The following TTPA variants were observed in gnomAD, a reference collection of about 807,000 sequenced individuals.
The protein encoded by TTPA is alpha tocopherol transfer protein, also known as alpha-tocopherol transfer protein.
TTPA carries 23 observed loss-of-function variants against 25.9 expected under a neutral mutation model. That is an observed-to-expected ratio of 0.89 (90% confidence interval 0.64 to 1.26). The LOEUF (loss-of-function observed/expected upper bound fraction) is 1.26. Among genes scored for constraint, TTPA ranks in the 50% most tolerant of loss-of-function variants. The pLI is 0.00. For missense variants in TTPA, 337 were observed against 353.1 expected, an observed-to-expected ratio of 0.95 and a Z score of 0.37; for synonymous variants, 148 against 137.3, an observed-to-expected ratio of 1.08 and a Z score of -0.54.
At chr8:63,079,163 A>C (rs898953466) in intron 1 of TTPA, among the ~76,000 whole-genome samples, 1 of 152,340 alleles carries the variant, frequency 6.6e-6, no homozygotes, top group African/African-American at 2.4e-5. Flanking sequence ...GGCCTGCCTT[A>C]CAAGAGCTCC....
chr8:63,077,989 C>T (rs975866888), intron 1 of TTPA, among the ~76,000 whole-genome samples: 33 of 152,290 alleles, frequency 2.2e-4, no homozygotes, highest in African/African-American at 7.7e-4. Flanking sequence ...CAATATTTGC[C>T]GTTCTGCAAT....
At chr8:63,061,553 A>T in intron 4 of TTPA, 128 bp from the exon 5 acceptor site, 1 of 768,854 alleles carries the variant, frequency 1.3e-6, no homozygotes, top group Non-Finnish European at 2.1e-6. Flanking sequence ...CACATCCTTT[A>T]TTCCTCTGGT....
At chr8:63,074,395 CTCTG>C (rs1333304054) in intron 1 of TTPA, among the ~76,000 whole-genome samples, 6 of 152,216 alleles carry the variant, frequency 3.9e-5, no homozygotes, top group African/African-American at 9.6e-5. Context: ...CTCTTTCTCT[CTCTG>C]TCTGTCTCCC....
At chr8:63,065,814 T>C in intron 3 of TTPA, 90 bp downstream of exon 3, 1 of 1,355,862 alleles carries the variant, frequency 7.4e-7, no homozygotes, top group Non-Finnish European at 1.0e-6. Flanking sequence ...TTCTAACAAA[T>C]GTACTTTTGC....
At position 63,077,771 on chromosome 8, in the gene TTPA, T is replaced by C. The variant is rs556645404; in HGVS notation, c.205-4683A>G. Reference sequence around the variant, plus strand: ...AAGGCAGCAGACAGCTTCTGCAGACTTAAACGTCCCTGTCTGACAGTTCTG... The same window carrying C: ...AAGGCAGCAGACAGCTTCTGCAGACCTAAACGTCCCTGTCTGACAGTTCTG... On this transcript the variant is annotated intron_variant, in intron 1 of 4. Coordinates refer to ENST00000260116, the MANE Select transcript of TTPA (RefSeq NM_000370.3). Among the ~76,000 whole-genome samples, 4 of 152,328 alleles carry C rather than the reference T, an allele frequency of 2.6e-5. No homozygotes were observed. The South Asian group carries it at 8.3e-4, about 32-fold the overall frequency.
chr8:63,067,060 CA>C (rs1805403384), intron 2 of TTPA, among the ~76,000 whole-genome samples: 1 of 151,098 alleles, frequency 6.6e-6, no homozygotes, highest in Admixed American at 6.6e-5. Context: ...TAAAAAAATT[CA>C]AAGAATTTTT....
At position 63,060,257 on chromosome 8, in the gene TTPA, A is replaced by G. The variant is rs1237087501; in HGVS notation, c.*995T>C. ...AGAATGACCATAAGCAAAAGTTAAAATTACATTCTTGATTTGTTTAAAAAT... is the reference window on the plus strand; with the variant it reads ...AGAATGACCATAAGCAAAAGTTAAAGTTACATTCTTGATTTGTTTAAAAAT... On this transcript the variant is annotated 3_prime_UTR_variant, in exon 5 of 5. Transcript: ENST00000260116. 1 of 152,230 alleles carries G rather than the reference A, an allele frequency of 6.6e-6. No individual in the cohort carries two copies. The highest frequency in any genetic ancestry group is 1.5e-5 in the Non-Finnish European group (1 of 68,048). The allele number at this position is 152,230 out of a possible 1,614,324, so 9.4% of individuals were successfully genotyped here.
chr8:63,082,295 TA>T (rs1292845935), intron 1 of TTPA, among the ~76,000 whole-genome samples: 1 of 152,050 alleles, frequency 6.6e-6, no homozygotes, highest in Non-Finnish European at 1.5e-5. Flanking sequence ...AAAAGAGATA[TA>T]TAGACCAATG....
chr8:63,073,818 A>G (rs1805518747), intron 1 of TTPA, among the ~76,000 whole-genome samples: 1 of 152,178 alleles, frequency 6.6e-6, no homozygotes, highest in Non-Finnish European at 1.5e-5. Flanking sequence ...CAATCAAATG[A>G]GTTAGAAGAG....
downstream of TTPA, among the ~76,000 whole-genome samples, chr8:63,058,995 T>C (rs538788030): frequency 9.6e-4 from 145 of 150,606 alleles, no homozygotes; most frequent in Middle Eastern, 3.4e-3. Context: ...CTTTAAAGTG[T>C]TTTTTAGAAA....
chr8:63,085,304 T>C (rs187850618), intron 1 of TTPA, among the ~76,000 whole-genome samples: 1 of 152,332 alleles, frequency 6.6e-6, no homozygotes, highest in Admixed American at 6.5e-5. Context: ...GTTGCTTTAC[T>C]GTCTTGACAC....
rs1805272418 is a variant in TTPA at position 63,059,801 on chromosome 8, A to T, written c.*1451T>A. ...TTATTTATTTTTATTTTTATTTTTT[A>T]ATTTTTTTTGAGAACACATGGACAC... On this transcript the variant is annotated 3_prime_UTR_variant, in exon 5 of 5. Coordinates refer to ENST00000260116, the MANE Select transcript of TTPA (RefSeq NM_000370.3). 1 of 151,898 alleles carries T rather than the reference A, an allele frequency of 6.6e-6. No individual in the cohort carries two copies. The highest frequency in any genetic ancestry group is 2.4e-5 in the African/African-American group (1 of 41,378). 9.4% of individuals were successfully genotyped at this position (151,898 alleles called of 1,614,324 possible). A position where few individuals can be genotyped will look rare whatever the true frequency, so the allele number is the denominator to read the frequency against.
chr8:63,076,564 G>A (rs1172458789), intron 1 of TTPA, among the ~76,000 whole-genome samples: 3 of 152,016 alleles, frequency 2.0e-5, no homozygotes, highest in African/African-American at 7.3e-5. Flanking sequence ...ATTCCTCAAG[G>A]GCATGGTACA....
rs181109321 is a variant in TTPA at position 63,065,904 on chromosome 8, C to T, written c.552G>A (p.Thr184=). The T allele has an allele frequency of 1.4e-5, 22 of 1,613,674 alleles. No homozygotes were observed. Among genetic ancestry groups the T allele is most frequent in the East Asian group, 4.5e-5 (2 of 44,846 alleles). The change falls in exon 3 of 5, where the codon ACG becomes ACA. Residue 184 remains threonine, a splice_region_variant and synonymous_variant. Coordinates refer to ENST00000260116, the MANE Select transcript of TTPA (RefSeq NM_000370.3). Reference sequence around the variant, plus strand: ...CCTGACAGTTAAAATATACATTTACCGTAAGTACAGCAGCAATCTTCTTGG... The same window carrying T: ...CCTGACAGTTAAAATATACATTTACTGTAAGTACAGCAGCAATCTTCTTGG... ...SVAKKIAAVL[T]DSFPLKVRGI...
intron 1 of TTPA, among the ~76,000 whole-genome samples, chr8:63,076,654 A>G (rs1288141181): frequency 6.6e-6 from 1 of 152,160 alleles, no homozygotes; most frequent in East Asian, 1.9e-4. Flanking sequence ...TTATTTTTCT[A>G]TTTAAACATT....
rs779038537 is a variant in TTPA at position 63,065,930 on chromosome 8, C to A, written c.526G>T (p.Ala176Ser). The A allele has an allele frequency of 2.5e-6, 4 of 1,614,060 alleles. No individual in the cohort carries two copies. The South Asian group carries it at 4.4e-5, about 18-fold the overall frequency. The change falls in exon 3 of 5, where the codon GCC becomes TCC. Residue 176 changes from alanine to serine, a missense_variant. Physicochemically the swap from Ala to Ser is moderately conservative, Grantham distance 99 (BLOSUM62 1). Coordinates refer to ENST00000260116, the MANE Select transcript of TTPA (RefSeq NM_000370.3). Reference protein sequence around the residue: ...SHAFQITPSVAKKIAAVLTDS... With the variant: ...SHAFQITPSVSKKIAAVLTDS... ...GTAAGTACAGCAGCAATCTTCTTGG[C>A]TACGGATGGAGTGATTTGAAAAGCA...
Position 63,066,087 on chromosome 8 carries a change from G to C in TTPA, c.369C>G (p.Asp123Glu). 7 of 1,499,450 alleles carry C rather than the reference G, an allele frequency of 4.7e-6. No individual in the cohort carries two copies. The highest frequency in any genetic ancestry group is 5.3e-6 in the Non-Finnish European group (6 of 1,132,210). The allele number at this position is 1,499,450 out of a possible 1,614,324, so 92.9% of individuals were successfully genotyped here. Residue 123 changes from aspartate to glutamate, a missense_variant, in exon 3 of 5, where the codon GAC becomes GAG. By Grantham distance (45) the Asp-to-Glu change is conservative (BLOSUM62 2). Transcript: ENST00000260116. The stretch of plus-strand genomic sequence containing the variant: ...CGTCATAAGCTGTAAAAACTTTGGG[G>C]TCCCAGTGTGCTAAAAAAAATAAAG... ...KVLIYRIAHW[D>E]PKVFTAYDVF...
At chr8:63,059,278 C>T (rs1331325543), downstream of TTPA, among the ~76,000 whole-genome samples, 3 of 151,364 alleles carry the variant, frequency 2.0e-5, no homozygotes, top group Admixed American at 2.0e-4. Flanking sequence ...GTGATCCGCC[C>T]GCCTCGGCCT....
chr8:63,061,111 TC>T lies in TTPA; in HGVS notation c.*140del. ...AAATCTTTCCAAACACCTGTGTTGC[TC>T]ATGTCAGAAGATTTCTACATTTTTA... On this transcript the variant is annotated 3_prime_UTR_variant, in exon 5 of 5. Transcript: ENST00000260116. 1.1e-6 allele frequency: 1 copy of T among 873,218 alleles called. No individual in the cohort carries two copies. The highest frequency in any genetic ancestry group is 1.8e-6 in the Non-Finnish European group (1 of 553,920). The allele number at this position is 873,218 out of a possible 1,614,324, so 54.1% of individuals were successfully genotyped here.
Sources: allele counts gnomAD v4.1 joint callset (sites outside exome capture counted in the v4.1 genomes callset), GRCh38; gene constraint gnomAD v4.1.1; transcripts MANE v1.5; gene names NCBI Gene and HGNC (gene_info 2026-07-23, HGNC 2026-07-21).